FAM13C: variants seen among roughly 807,000 people sequenced by gnomAD.
The protein encoded by FAM13C is protein FAM13C.
A neutral mutation model predicts 73.2 loss-of-function variants in FAM13C; 37 were observed. The ratio of observed to expected loss-of-function variants is 0.51; its 90% CI spans 0.39 to 0.67. The LOEUF is 0.67. Ranked by LOEUF, FAM13C falls within the 30% of genes least tolerant of loss-of-function variation. FAM13C has a pLI of 0.00. For synonymous variants in FAM13C, 246 were observed against 260.9 expected (o/e 0.94, Z 0.55); for missense variants, 589 against 715.6 (o/e 0.82, Z 2.02).
Position 59,247,423 on chromosome 10 carries a change from G to T in FAM13C, c.*191C>A. The T allele has an allele frequency of 1.6e-6, 1 of 626,824 alleles. No homozygotes were observed. Among genetic ancestry groups the T allele is most frequent in the Non-Finnish European group, 2.7e-6 (1 of 373,576 alleles). 38.8% of individuals were successfully genotyped at this position (626,824 alleles called of 1,614,324 possible). ...TTTCCCAATTATATGGCTACCTGTT[G>T]TATTCTTCCCCCCGTTTAAATCCCT... On this transcript the variant is annotated 3_prime_UTR_variant, in exon 14 of 14. Transcript: ENST00000618804.
chr10:59,325,196 G>T (rs796587498), intron 3 of FAM13C, among the ~76,000 whole-genome samples: 5 of 152,268 alleles, frequency 3.3e-5, no homozygotes, highest in African/African-American at 1.2e-4. Flanking sequence ...GGTCACAATA[G>T]AGACCCAGCT....
intron 4 of FAM13C, among the ~76,000 whole-genome samples, chr10:59,308,539 C>CA: frequency 6.6e-6 from 1 of 151,564 alleles, no homozygotes; most frequent in Non-Finnish European, 1.5e-5. Context: ...CCATCATCAC[C>CA]CCCACCACCA....
intron 2 of FAM13C, among the ~76,000 whole-genome samples, chr10:59,354,714 A>G (rs1855496699): frequency 6.6e-6 from 1 of 152,146 alleles, no homozygotes; most frequent in South Asian, 2.1e-4. Flanking sequence ...AAAAGGAGAG[A>G]GAGAGAGTTC....
chr10:59,253,156 C>A (rs1841573851), intron 11 of FAM13C, among the ~76,000 whole-genome samples, 158 bp from the exon 12 acceptor site: 1 of 152,216 alleles, frequency 6.6e-6, no homozygotes, highest in Non-Finnish European at 1.5e-5. Flanking sequence ...AAGAGGAGCT[C>A]TTCCGCAGTT....
intron 5 of FAM13C, among the ~76,000 whole-genome samples, chr10:59,295,839 T>C (rs1304316867): frequency 6.6e-6 from 1 of 152,150 alleles, no homozygotes; most frequent in African/African-American, 2.4e-5. Flanking sequence ...GCATCTCCAG[T>C]GATGAGTTTT....
intron 5 of FAM13C, among the ~76,000 whole-genome samples, chr10:59,302,074 T>A (rs1389057939): frequency 6.6e-6 from 1 of 152,214 alleles, no homozygotes; most frequent in Non-Finnish European, 1.5e-5. Flanking sequence ...TCAGGTCTTT[T>A]CATTCTCTTT....
In FAM13C at chr10:59,284,031, A is replaced by ATGTG. The variant is rs6143934; in HGVS notation, c.508-588_508-585dup. On this transcript the variant is annotated intron_variant, in intron 5 of 13. Transcript: ENST00000618804. ...CTAGTCCACATTGGTATGCTGGGGT[A>ATGTG]TGTGTGTGTGTGTGTGTGTGTGTCT... Among the ~76,000 whole-genome samples the ATGTG allele has an allele frequency of 5.2e-4, 78 of 149,072 alleles. No homozygotes were observed. In the East Asian group the frequency reaches 5.6e-3, roughly 11 times the overall value.
At position 59,352,291 on chromosome 10, in the gene FAM13C, C is replaced by T. The variant is rs1433122694; in HGVS notation, c.303G>A (p.Gly101=). 6.2e-7 allele frequency: 1 copy of T among 1,614,028 alleles called. No individual in the cohort carries two copies. The highest frequency in any genetic ancestry group is 8.5e-7 in the Non-Finnish European group (1 of 1,180,000). The change falls in exon 3 of 14, where the codon GGG becomes GGA. Residue 101 remains glycine (G), a synonymous_variant. Transcript: ENST00000618804. ...KPKSIFKAES[G]RSHGESQETE... is the part of the protein sequence containing the mutation. ...CTACCTGACTTTCTCCGTGGCTCCT[C>T]CCGCTCTCCGCTTTGAAGATGGACT... is the stretch of plus-strand genomic sequence containing the variant.
chr10:59,320,708 G>A (rs372203411), intron 4 of FAM13C, among the ~76,000 whole-genome samples: 2 of 152,324 alleles, frequency 1.3e-5, no homozygotes, highest in Non-Finnish European at 2.9e-5. Context: ...AGAAACAGCC[G>A]GATTCGTTAC....
At chr10:59,342,437 G>A (rs1273100985) in intron 3 of FAM13C, among the ~76,000 whole-genome samples, 7 of 151,908 alleles carry the variant, frequency 4.6e-5, no homozygotes, top group South Asian at 4.2e-4. Context: ...GAGAAGGTGC[G>A]TTTGATTAAA....
chr10:59,341,215 C>T (rs186897859), intron 3 of FAM13C, among the ~76,000 whole-genome samples: 48 of 152,278 alleles, frequency 3.2e-4, no homozygotes, highest in Non-Finnish European at 6.2e-4. Flanking sequence ...CCTTCACGGT[C>T]TCCCTTTGGT....
At chr10:59,357,175 TACTA>T (rs1855831441) in intron 1 of FAM13C, among the ~76,000 whole-genome samples, 2 of 152,220 alleles carry the variant, frequency 1.3e-5, no homozygotes, top group South Asian at 4.1e-4. Context: ...TCCACTCTCC[TACTA>T]AACTCCCCTT....
intron 10 of FAM13C, 121 bp downstream of exon 10, chr10:59,262,313 T>G: frequency 1.2e-6 from 1 of 868,684 alleles, no homozygotes. Flanking sequence ...TCATCTGAAA[T>G]TTTGGAGCCA....
intron 1 of FAM13C, among the ~76,000 whole-genome samples, chr10:59,362,149 G>C (rs1446690439): frequency 6.6e-6 from 1 of 152,100 alleles, no homozygotes; most frequent in Non-Finnish European, 1.5e-5. Flanking sequence ...CACATATCTT[G>C]GAGCACTGAG....
In FAM13C at chr10:59,300,544, C is replaced by A. The variant is rs560019436; in HGVS notation, c.507+2257G>T. Among the ~76,000 whole-genome samples the A allele has an allele frequency of 9.2e-5, 14 of 152,194 alleles. No homozygotes were observed. In the East Asian group the frequency reaches 2.3e-3, roughly 25 times the overall value. On this transcript the variant is annotated intron_variant, in intron 5 of 13. Coordinates refer to ENST00000618804, the MANE Select transcript of FAM13C (RefSeq NM_198215.4). ...TTTATTTAGAGATGGGAGGCATACT[C>A]CTGTAAAAAGTCAGCTGTACAAAGA... is the stretch of plus-strand genomic sequence containing the variant.
At chr10:59,352,946 A>G (rs955798283) in intron 2 of FAM13C, among the ~76,000 whole-genome samples, 18 of 152,210 alleles carry the variant, frequency 1.2e-4, no homozygotes, top group African/African-American at 3.9e-4. Flanking sequence ...TTCTTGGTTC[A>G]AGGCACCATG....
intron 1 of FAM13C, chr10:59,360,972 C>T (rs781375464): frequency 1.3e-5 from 17 of 1,260,788 alleles, no homozygotes; most frequent in Middle Eastern, 2.1e-4. Context: ...TCCTGAGAAT[C>T]GGGGCCAGAA....
intron 8 of FAM13C, among the ~76,000 whole-genome samples, chr10:59,267,309 T>G (rs1387052686): frequency 6.6e-6 from 1 of 152,240 alleles, no homozygotes; most frequent in Non-Finnish European, 1.5e-5. Flanking sequence ...ACTTCTATTC[T>G]ATTGCAGAAC....
intron 1 of FAM13C, among the ~76,000 whole-genome samples, chr10:59,356,324 G>A (rs910954059): frequency 2.6e-5 from 4 of 152,120 alleles, no homozygotes; most frequent in Non-Finnish European, 5.9e-5. Context: ...TTCTGCTTCA[G>A]GCAGTCCCAA....
Sources: allele counts gnomAD v4.1 joint callset (sites outside exome capture counted in the v4.1 genomes callset), GRCh38; gene constraint gnomAD v4.1.1; transcripts MANE v1.5; gene names NCBI Gene and HGNC (gene_info 2026-07-23, HGNC 2026-07-21).